RABL3: variants seen among roughly 807,000 people sequenced by gnomAD.
The protein encoded by RABL3 is RAB, member of RAS oncogene family like 3.
In RABL3, 31 loss-of-function variants were observed where a neutral mutation model predicts 31.8. That is an observed-to-expected ratio of 0.97 (90% CI 0.73 to 1.31). The LOEUF (loss-of-function observed/expected upper bound fraction) is 1.31, where lower values mean the gene tolerates loss of function less well. Ranked by LOEUF, RABL3 falls within the 40% of genes most tolerant of loss-of-function variation. RABL3 has a pLI of 0.00. For missense variants in RABL3, 263 were observed against 279.6 expected (o/e 0.94, Z 0.42); for synonymous variants, 97 against 99.9 (o/e 0.97, Z 0.18).
At chr3:120,708,703 C>T (rs1267165003) in intron 3 of RABL3, among the ~76,000 whole-genome samples, 12 of 151,562 alleles carry the variant, frequency 7.9e-5, no homozygotes, top group Non-Finnish European at 5.9e-5. Flanking sequence ...TTGTATATAC[C>T]TTTTTGCATG....
At chr3:120,741,833 C>T (rs1001875572) in intron 1 of RABL3, among the ~76,000 whole-genome samples, 11 of 152,280 alleles carry the variant, frequency 7.2e-5, no homozygotes, top group African/African-American at 2.6e-4. Flanking sequence ...GGAAATTAAG[C>T]TCAGTTAAGA....
intron 1 of RABL3, among the ~76,000 whole-genome samples, chr3:120,735,916 G>A (rs904003775): frequency 5.1e-4 from 77 of 152,148 alleles, no homozygotes; most frequent in African/African-American, 1.9e-3. Context: ...GAGACAGTTT[G>A]TTACAACTAC....
chr3:120,717,666 A>T (rs1708686993), intron 2 of RABL3, among the ~76,000 whole-genome samples: 1 of 152,064 alleles, frequency 6.6e-6, no homozygotes, highest in South Asian at 2.1e-4. Flanking sequence ...ATGGGGTTTC[A>T]CAATGTTGAC....
In RABL3 at chr3:120,690,439, A is replaced by C; in HGVS notation, c.645+10T>G. 1 of 1,543,902 alleles carries C rather than the reference A, an allele frequency of 6.5e-7. No individual in the cohort carries two copies. The highest frequency in any genetic ancestry group is 2.2e-5 in the East Asian group (1 of 44,456). ...TAAGAATCTATTTTATCAAGAAAAG[A>C]GATACCAACCTGATTACCTTCTCTT... is the stretch of plus-strand genomic sequence containing the variant. On this transcript the variant is annotated intron_variant, in intron 7 of 7. Transcript: ENST00000273375.
At chr3:120,692,409 A>C (rs1301423329) in intron 6 of RABL3, among the ~76,000 whole-genome samples, 1 of 152,174 alleles carries the variant, frequency 6.6e-6, no homozygotes, top group Non-Finnish European at 1.5e-5. Context: ...CATGCTAGCC[A>C]TGATGGTCTT....
chr3:120,725,379 G>A (rs1326906628), intron 2 of RABL3, among the ~76,000 whole-genome samples: 1 of 152,346 alleles, frequency 6.6e-6, no homozygotes, highest in East Asian at 1.9e-4. Context: ...CATTGTGGAA[G>A]TCAGTGTGGT....
At chr3:120,705,747 C>G (rs902715577) in intron 4 of RABL3, among the ~76,000 whole-genome samples, 1 of 151,954 alleles carries the variant, frequency 6.6e-6, no homozygotes, top group African/African-American at 2.4e-5. Flanking sequence ...AAGAGAAAAC[C>G]TGCATCATCT....
intron 2 of RABL3, among the ~76,000 whole-genome samples, chr3:120,717,981 C>T (rs896825277): frequency 2.6e-5 from 4 of 152,178 alleles, no homozygotes; most frequent in African/African-American, 9.7e-5. Flanking sequence ...ACACTCAAGA[C>T]ATTTATATCC....
At chr3:120,741,092 C>G (rs1709037317) in intron 1 of RABL3, among the ~76,000 whole-genome samples, 1 of 152,204 alleles carries the variant, frequency 6.6e-6, no homozygotes, top group African/African-American at 2.4e-5. Flanking sequence ...ACACAAAACA[C>G]CCACTTAACG....
chr3:120,695,418 C>A (rs1049560806), intron 5 of RABL3, among the ~76,000 whole-genome samples: 1 of 152,058 alleles, frequency 6.6e-6, no homozygotes, highest in Non-Finnish European at 1.5e-5. Flanking sequence ...GGTTAGGGTA[C>A]TAAACCTTTA....
chr3:120,720,671 A>G (rs1003835002), intron 2 of RABL3, among the ~76,000 whole-genome samples: 1 of 152,232 alleles, frequency 6.6e-6, no homozygotes, highest in African/African-American at 2.4e-5. Flanking sequence ...GCCTCCAAGA[A>G]ATATGGGACT....
At chr3:120,690,635 C>T (rs980605910) in intron 6 of RABL3, 148 bp from the exon 7 acceptor site, 1 of 559,946 alleles carries the variant, frequency 1.8e-6, no homozygotes, top group African/African-American at 1.9e-5. Context: ...AGCTAAAAAT[C>T]TGGTGTTAAT....
intron 2 of RABL3, among the ~76,000 whole-genome samples, chr3:120,716,209 T>G (rs1336916411): frequency 6.6e-6 from 1 of 152,202 alleles, no homozygotes; most frequent in Non-Finnish European, 1.5e-5. Flanking sequence ...AAGACTAAAT[T>G]CTAAATTCAT....
chr3:120,697,785 C>T (rs1708452977), intron 5 of RABL3, among the ~76,000 whole-genome samples: 1 of 152,136 alleles, frequency 6.6e-6, no homozygotes, highest in African/African-American at 2.4e-5. Context: ...AGCTAAGAGG[C>T]TTTTTAAAAG....
At chr3:120,690,956 A>G (rs551339380) in intron 6 of RABL3, among the ~76,000 whole-genome samples, 101 of 152,304 alleles carry the variant, frequency 6.6e-4, no homozygotes, top group Non-Finnish European at 1.1e-3. Context: ...GACAAATTCT[A>G]TATGTCCTCA....
rs147630111 is a variant in RABL3 at position 120,736,167 on chromosome 3, G to A, written c.47-5380C>T. Among the ~76,000 whole-genome samples the A allele has an allele frequency of 1.1e-3, 168 of 152,262 alleles. 5 individuals carry two copies. The East Asian group carries it at 0.029, about 26-fold the overall frequency. ...GGTGTTAAAGTCTCCCATTTTTATT[G>A]CGTGGGAGTCTAAGTGTCTTTGTAG... On this transcript the variant is annotated intron_variant, in intron 1 of 7. Transcript: ENST00000273375.
rs1708301760 is a variant in RABL3 at position 120,685,857 on chromosome 3, T to C, written c.*3966A>G. ...TTAAAAATACAAAATCCTGGCCTTA[T>C]CCTATACATATAGAAAGGGGAGAGT... On this transcript the variant is annotated 3_prime_UTR_variant, in exon 8 of 8. Transcript: ENST00000273375. Among the ~76,000 whole-genome samples the C allele has an allele frequency of 6.6e-6, 1 of 152,206 alleles. No individual in the cohort carries two copies. Among genetic ancestry groups the C allele is most frequent in the Non-Finnish European group, 1.5e-5 (1 of 68,044 alleles).
chr3:120,710,206 G>T, intron 2 of RABL3: 1 of 189,982 alleles, frequency 5.3e-6, no homozygotes, highest in Non-Finnish European at 1.1e-5. Context: ...CTCTCACATT[G>T]TATTCATCTG....
chr3:120,736,276 T>C (rs957226122), intron 1 of RABL3, among the ~76,000 whole-genome samples: 23 of 152,220 alleles, frequency 1.5e-4, no homozygotes, highest in Admixed American at 1.0e-3. Context: ...TCTTGTTGAA[T>C]TGATCCCTTT....
Sources: gnomAD v4.1 joint callset for allele counts (sites outside exome capture counted in the v4.1 genomes callset) on GRCh38, gnomAD v4.1.1 for gene constraint, MANE v1.5 for transcripts, NCBI Gene and HGNC (gene_info 2026-07-23, HGNC 2026-07-21) for gene names.